Variants in SNX14 observed in about 807,000 individuals in gnomAD.
SNX14 encodes sorting nexin 14.
SNX14 carries 93 observed loss-of-function variants against 133.8 expected under a neutral mutation model. That is an observed-to-expected ratio of 0.70 (90% CI 0.59 to 0.83). The LOEUF (loss-of-function observed/expected upper bound fraction) is 0.83, where lower values mean the gene tolerates loss of function less well. Among genes scored for constraint, SNX14 ranks in the 40% least tolerant of loss-of-function variants. SNX14 has a pLI of 0.00. For synonymous variants in SNX14, 368 were observed against 365.6 expected (o/e 1.01, Z -0.07); for missense variants, 945 against 1,094.9 (o/e 0.86, Z 1.93).
chr6:85,554,152 C>A (rs1562317211), intron 7 of SNX14, among the ~76,000 whole-genome samples: 2 of 151,976 alleles, frequency 1.3e-5, no homozygotes, highest in Non-Finnish European at 2.9e-5. Flanking sequence ...CCACAAAATC[C>A]ATGATAAAGA....
intron 7 of SNX14, among the ~76,000 whole-genome samples, chr6:85,556,636 T>A (rs547738069): frequency 6.6e-6 from 1 of 151,944 alleles, no homozygotes; most frequent in South Asian, 2.1e-4. Context: ...GTATTTTTAG[T>A]AGACATGGGT....
intron 15 of SNX14, among the ~76,000 whole-genome samples, chr6:85,541,267 A>C (rs2128058844): frequency 6.6e-6 from 1 of 152,340 alleles, no homozygotes; most frequent in East Asian, 1.9e-4. Flanking sequence ...TGCTGGGATT[A>C]CAGGCGTGAG....
intron 15 of SNX14, among the ~76,000 whole-genome samples, chr6:85,540,370 T>C (rs1783297534): frequency 6.6e-6 from 1 of 152,196 alleles, no homozygotes; most frequent in Non-Finnish European, 1.5e-5. Context: ...AAACATCTTA[T>C]GTCTATAAAC....
intron 4 of SNX14, among the ~76,000 whole-genome samples, chr6:85,568,930 C>T (rs1022091549): frequency 6.6e-6 from 1 of 151,990 alleles, no homozygotes; most frequent in African/African-American, 2.4e-5. Flanking sequence ...TCACCAAGTC[C>T]TACTGATTTT....
At chr6:85,517,247 T>C (rs1031486170) in intron 23 of SNX14, among the ~76,000 whole-genome samples, 1 of 152,238 alleles carries the variant, frequency 6.6e-6, no homozygotes, top group Non-Finnish European at 1.5e-5. Context: ...AGAGGTCCTC[T>C]GAGCTTCCAT....
chr6:85,533,614 T>C lies in SNX14; in HGVS notation c.1795A>G (p.Asn599Asp), dbSNP rs1261106542. Reference sequence around the variant, plus strand: ...AGCTTCCTACCTGCTCTTCTATCATTTCTTTCAACATCAATACAAAACACA... The same window carrying C: ...AGCTTCCTACCTGCTCTTCTATCATCTCTTTCAACATCAATACAAAACACA... ...IPVFCIDVER[N>D]DRRAVGHEPE... The change falls in exon 18 of 29, where the codon AAT becomes GAT. Residue 599 changes from asparagine (N) to aspartate (D), a missense_variant. Around this residue, in one of 3 missense-constraint regions of SNX14, gnomAD observed 412 missense variants for 516.6 expected, o/e 0.80. Transcript: ENST00000314673. 1.9e-6 allele frequency: 3 copies of C among 1,613,106 alleles called. No individual in the cohort carries two copies. The Admixed American group carries it at 5.0e-5, about 27-fold the overall frequency.
chr6:85,554,629 G>T (rs1789025917), intron 7 of SNX14, among the ~76,000 whole-genome samples: 1 of 152,078 alleles, frequency 6.6e-6, no homozygotes, highest in South Asian at 2.1e-4. Context: ...AATTCTCTGA[G>T]CCTTTACTTC....
intron 7 of SNX14, among the ~76,000 whole-genome samples, chr6:85,555,376 G>A (rs996739239): frequency 5.9e-5 from 9 of 152,114 alleles, no homozygotes; most frequent in African/African-American, 1.7e-4. Flanking sequence ...CGGTATATCC[G>A]TACAATGGAA....
chr6:85,510,095 A>G (rs1377484186), intron 26 of SNX14, among the ~76,000 whole-genome samples: 1 of 152,210 alleles, frequency 6.6e-6, no homozygotes, highest in Non-Finnish European at 1.5e-5. Context: ...TGAAGTTGCT[A>G]TAAACATTCA....
intron 4 of SNX14, chr6:85,568,225 C>T (rs533147159): frequency 5.0e-4 from 76 of 152,240 alleles, no homozygotes; most frequent in African/African-American, 1.7e-3. Context: ...GAACCAAAAA[C>T]GTGCTATGGA....
At chr6:85,525,829 C>T (rs974274983) in intron 21 of SNX14, among the ~76,000 whole-genome samples, 22 of 151,956 alleles carry the variant, frequency 1.4e-4, no homozygotes, top group Admixed American at 3.3e-4. Flanking sequence ...AACACTGATT[C>T]GCATATGCTA....
chr6:85,514,972 A>G (rs542357497), intron 23 of SNX14, among the ~76,000 whole-genome samples: 90 of 152,312 alleles, frequency 5.9e-4, no homozygotes, highest in African/African-American at 1.7e-3. Flanking sequence ...CTTTAAAACT[A>G]ACATGATTTA....
In SNX14 at chr6:85,549,746, C is replaced by A. The variant is rs570117549; in HGVS notation, c.768G>T (p.Leu256Phe). The change falls in exon 8 of 29, where the codon TTG (leucine) becomes TTT (phenylalanine). Residue 256 changes from leucine to phenylalanine, a missense_variant. Leu to Phe is a conservative substitution (Grantham distance 22). Around this residue, in one of 3 missense-constraint regions of SNX14, gnomAD observed 514 missense variants for 538.8 expected, o/e 0.95. Coordinates refer to ENST00000314673, the MANE Select transcript of SNX14 (RefSeq NM_153816.6). ...KLTELLFPYILPPKATDCRSL... is the reference protein window; with the variant it reads ...KLTELLFPYIFPPKATDCRSL... ...ACCTGCAGTCTGTTGCTTTAGGAGG[C>A]AAAATATAAGGAAAAAGCAGTTCAG... is the stretch of plus-strand genomic sequence containing the variant. 6.2e-7 allele frequency: 1 copy of A among 1,612,782 alleles called. No individual in the cohort carries two copies. Among genetic ancestry groups the A allele is most frequent in the African/African-American group, 1.3e-5 (1 of 74,964 alleles).
At chr6:85,543,478 C>A in intron 13 of SNX14, 127 bp downstream of exon 13, 2 of 1,056,022 alleles carry the variant, frequency 1.9e-6, no homozygotes, top group South Asian at 3.4e-5. Context: ...TTAAAGCTTT[C>A]ATCTCATTAG....
chr6:85,539,297 AC>A (rs1782880039), intron 15 of SNX14, among the ~76,000 whole-genome samples: 1 of 152,150 alleles, frequency 6.6e-6, no homozygotes, highest in Admixed American at 6.6e-5. Flanking sequence ...GCCACCAAAA[AC>A]CTGGCATGGC....
At chr6:85,542,982 G>T (rs1225153171) in intron 14 of SNX14, among the ~76,000 whole-genome samples, 200 bp downstream of exon 14, 2 of 151,924 alleles carry the variant, frequency 1.3e-5, no homozygotes, top group African/African-American at 4.8e-5. Context: ...TGGCCAGGTT[G>T]GTCTTGAATG....
chr6:85,573,438 C>T (rs953043972), intron 2 of SNX14, among the ~76,000 whole-genome samples: 2 of 152,082 alleles, frequency 1.3e-5, no homozygotes, highest in Non-Finnish European at 2.9e-5. Flanking sequence ...CAAAATGGCG[C>T]CACCGCACTC....
chr6:85,528,454 G>T, intron 19 of SNX14, 92 bp from the exon 20 acceptor site: 2 of 899,770 alleles, frequency 2.2e-6, no homozygotes, highest in Non-Finnish European at 3.4e-6. Context: ...GGCACATTCA[G>T]ATTAGCAATA....
intron 2 of SNX14, among the ~76,000 whole-genome samples, chr6:85,574,021 TAG>T (rs1366138791): frequency 6.6e-6 from 1 of 151,376 alleles, no homozygotes. Context: ...AATTTTCTAA[TAG>T]ACTTCCATTA....
Sources: gnomAD v4.1 joint callset for allele counts (sites outside exome capture counted in the v4.1 genomes callset) on GRCh38, gnomAD v4.1.1 for gene constraint, gnomAD v4.1.1 regional missense constraint, MANE v1.5 for transcripts, NCBI Gene and HGNC (gene_info 2026-07-23, HGNC 2026-07-21) for gene names.